Variants in ERAP1 observed in about 807,000 individuals in gnomAD.
The protein encoded by ERAP1 is adipocyte-derived leucine aminopeptidase.
In ERAP1, 86 loss-of-function variants were observed where a neutral mutation model predicts 103.7. The ratio of observed to expected loss-of-function variants is 0.83; its 90% CI spans 0.70 to 0.99. The LOEUF is 0.99. Ranked by LOEUF, ERAP1 falls within the 50% of genes least tolerant of loss-of-function variation. ERAP1 has a pLI of 0.00. For synonymous variants in ERAP1, 398 were observed against 402.4 expected, an observed-to-expected ratio of 0.99 and a Z score of 0.13; for missense variants, 1,009 against 1,128.4, an observed-to-expected ratio of 0.89 and a Z score of 1.52.
upstream of ERAP1, among the ~76,000 whole-genome samples, chr5:96,812,978 A>G (rs1034981497): frequency 6.6e-6 from 1 of 152,184 alleles, no homozygotes; most frequent in East Asian, 1.9e-4. Context: ...TTCTTTCCCA[A>G]CCCTTCCTAA....
In ERAP1 at chr5:96,776,180, G is replaced by A. The variant is rs1192444943; in HGVS notation, c.*216C>T. The A allele has an allele frequency of 7.3e-6, 11 of 1,508,004 alleles. No homozygotes were observed. The highest frequency in any genetic ancestry group is 2.4e-5 in the South Asian group (2 of 82,392). 93.4% of individuals were successfully genotyped at this position (1,508,004 alleles called of 1,614,324 possible). A position where few individuals can be genotyped will look rare whatever the true frequency, so the allele number is the denominator to read the frequency against. ...CAGGGAACCCAACACTTGGGTTTAC[G>A]TTGCAGGGCAACACCTGTGATGAAC... On this transcript the variant is annotated 3_prime_UTR_variant, in exon 19 of 19. Transcript: ENST00000443439.
the ERAP1 span, chr5:96,917,488 G>A: frequency 1.9e-6 from 3 of 1,611,232 alleles, no homozygotes; most frequent in South Asian, 3.3e-5. Context: ...AATCTCTTGA[G>A]GCTCAAGGAT....
Position 96,790,654 on chromosome 5 carries a change from A to T in ERAP1, c.1321-11T>A, listed in dbSNP as rs200604630. ...CAGAATACAAGCTCCCTGAAAAGAT[A>T]ATAGAAATAATTGTTATCTATAGTT... On this transcript the variant is annotated splice_polypyrimidine_tract_variant and intron_variant, in intron 8 of 18. Transcript: ENST00000443439. 72 of 1,603,428 alleles carry T rather than the reference A, an allele frequency of 4.5e-5. No individual in the cohort carries two copies. The highest frequency in any genetic ancestry group is 8.0e-5 in the African/African-American group (6 of 74,690).
chr5:96,856,349 A>AATATATATAT, the ERAP1 span, among the ~76,000 whole-genome samples: 160 of 8,522 alleles, frequency 0.019, 3 homozygotes, highest in South Asian at 0.033. Context: ...AAAAAAAAAA[A>AATATATATAT]ATATATATAT....
At chr5:96,870,113 C>T in the ERAP1 span, among the ~76,000 whole-genome samples, 1 of 152,126 alleles carries the variant, frequency 6.6e-6, no homozygotes, top group African/African-American at 2.4e-5. Context: ...GCAGACTAAG[C>T]TTTTGATAGT....
At chr5:96,761,663 A>T (rs1239563537) in exon 20 of ERAP1, 1 of 152,300 alleles carries the variant, frequency 6.6e-6, no homozygotes, top group East Asian at 1.9e-4. Flanking sequence ...AATGAAGCAA[A>T]TATTCAATAT....
chr5:96,891,646 CT>C, the ERAP1 span, among the ~76,000 whole-genome samples: 6 of 151,798 alleles, frequency 4.0e-5, no homozygotes, highest in South Asian at 1.0e-3. Flanking sequence ...TTAGATTGCA[CT>C]TTTTCCCCCC....
At chr5:96,886,919 C>T in the ERAP1 span, 22 of 903,898 alleles carry the variant, frequency 2.4e-5, no homozygotes, top group East Asian at 5.5e-4. Flanking sequence ...AGATAAAAAA[C>T]TAAGTTAAAA....
chr5:96,917,276 TTTGTTG>T, the ERAP1 span, among the ~76,000 whole-genome samples: 1 of 151,976 alleles, frequency 6.6e-6, no homozygotes, highest in African/African-American at 2.4e-5. Context: ...CCGACTAATT[TTTGTTG>T]TTGTTGTTGT....
the ERAP1 span, chr5:96,873,372 T>G: frequency 2.0e-5 from 9 of 456,148 alleles, no homozygotes; most frequent in Non-Finnish European, 1.8e-5. Flanking sequence ...TGCCTGAAGT[T>G]GATAATCTGA....
At chr5:96,896,811 A>C in the ERAP1 span, 25 of 1,316,126 alleles carry the variant, frequency 1.9e-5, 1 homozygote, top group Middle Eastern at 2.3e-4. Context: ...TACTTAAAGA[A>C]GTTCAGCTAT....
chr5:96,910,522 G>A, the ERAP1 span, among the ~76,000 whole-genome samples: 1 of 151,352 alleles, frequency 6.6e-6, no homozygotes, highest in African/African-American at 2.4e-5. Context: ...GTTTCAATGG[G>A]TTGTATGAGT....
the ERAP1 span, among the ~76,000 whole-genome samples, chr5:96,816,057 G>T: frequency 0.46 from 70,238 of 151,812 alleles, 16,552 homozygotes; most frequent in Non-Finnish European, 0.51. Context: ...TTTTCCACAC[G>T]TTAGCCAGAA....
chr5:96,929,452 TTTCC>T, the ERAP1 span, among the ~76,000 whole-genome samples: 165 of 143,894 alleles, frequency 1.1e-3, no homozygotes, highest in African/African-American at 3.7e-3. Flanking sequence ...CCTCTTTTCT[TTTCC>T]TTCCTTCCTT....
intron 19 of ERAP1, chr5:96,768,271 G>A: frequency 4.6e-6 from 2 of 433,302 alleles, no homozygotes; most frequent in Non-Finnish European, 8.6e-6. Flanking sequence ...TTTTTGTAGA[G>A]AGGGGGTTTC....
chr5:96,895,170 A>G, the ERAP1 span: 17 of 801,334 alleles, frequency 2.1e-5, no homozygotes, highest in Non-Finnish European at 3.1e-5. Context: ...AAAAGTTAGT[A>G]ACTATTGTAT....
the ERAP1 span, among the ~76,000 whole-genome samples, chr5:96,841,310 T>G: frequency 6.6e-6 from 1 of 152,232 alleles, no homozygotes. Context: ...AACCCTGTCC[T>G]GCTGGCCATA....
intron 1 of ERAP1, among the ~76,000 whole-genome samples, chr5:96,806,961 TTTTTG>T (rs151195031): frequency 3.1e-4 from 30 of 95,576 alleles, no homozygotes; most frequent in African/African-American, 8.5e-4. Context: ...ATTTTCAAGT[TTTTTG>T]TTTTGTTTTG....
intron 19 of ERAP1, chr5:96,768,023 C>T: frequency 2.1e-6 from 3 of 1,443,084 alleles, no homozygotes; most frequent in Admixed American, 3.4e-5. Context: ...TCACATTTCA[C>T]TCTTTGAAAT....
Sources: gnomAD v4.1 joint callset for allele counts (sites outside exome capture counted in the v4.1 genomes callset) on GRCh38, gnomAD v4.1.1 for gene constraint, MANE v1.5 for transcripts, NCBI Gene and HGNC (gene_info 2026-07-23, HGNC 2026-07-21) for gene names.